PTPRN2: variants seen among roughly 807,000 people sequenced by gnomAD.
PTPRN2 encodes protein tyrosine phosphatase receptor type N2.
A neutral mutation model predicts 118.8 loss-of-function variants in PTPRN2; 74 were observed. The observed-to-expected ratio is 0.62, with a 90% CI of 0.52 to 0.76. PTPRN2 has a LOEUF of 0.76. Ranked by LOEUF, PTPRN2 falls within the 30% of genes least tolerant of loss-of-function variation. The pLI, the probability that PTPRN2 is intolerant of heterozygous loss-of-function variation, is 0.00. For missense variants in PTPRN2, 1,481 were observed against 1,394.4 expected, an observed-to-expected ratio of 1.06 and a Z score of -0.99; for synonymous variants, 641 against 608.0, an observed-to-expected ratio of 1.05 and a Z score of -0.80.
chr7:157,623,556 T>G (rs570325061), intron 14 of PTPRN2, among the ~76,000 whole-genome samples: 1 of 152,352 alleles, frequency 6.6e-6, no homozygotes, highest in East Asian at 1.9e-4. Flanking sequence ...ATTATCTTAA[T>G]TCGTATAAAC....
At chr7:158,006,550 T>C (rs1268727787) in intron 11 of PTPRN2, among the ~76,000 whole-genome samples, 2 of 152,222 alleles carry the variant, frequency 1.3e-5, no homozygotes, top group East Asian at 1.9e-4. Context: ...CCGCCCGGGA[T>C]GCAGACACAC....
At chr7:158,071,403 G>GTA (rs1190670539) in intron 11 of PTPRN2, among the ~76,000 whole-genome samples, 5 of 108,384 alleles carry the variant, frequency 4.6e-5, no homozygotes, top group Admixed American at 1.8e-4. Context: ...GGTGCTCGTG[G>GTA]TGGAGTTGCT....
At chr7:157,772,274 C>CAGACACACAA (rs1430562547) in intron 12 of PTPRN2, among the ~76,000 whole-genome samples, 3 of 133,052 alleles carry the variant, frequency 2.3e-5, no homozygotes, top group Admixed American at 7.3e-5. Flanking sequence ...CCCATACAGA[C>CAGACACACAA]ATACACAGAC....
chr7:158,486,465 T>G, intron 2 of PTPRN2, among the ~76,000 whole-genome samples: 1 of 152,248 alleles, frequency 6.6e-6, no homozygotes, highest in East Asian at 1.9e-4. Flanking sequence ...AAACCTGTTT[T>G]CCTCATATTT....
rs1810947127 is a variant in PTPRN2 at position 157,869,899 on chromosome 7, G to C, written c.1788+28774C>G. The stretch of plus-strand genomic sequence containing the variant: ...AGAAAGTCAACATGCAAAATGCCTT[G>C]AGCATCCCAACATCTACTGCCATGA... On this transcript the variant is annotated intron_variant, in intron 12 of 22. Transcript: ENST00000389418. This position sits in a 1 kb window ranked among gnomAD's most constrained non-coding sequence, Gnocchi z 4.2. Among the ~76,000 whole-genome samples, 1 of 152,116 alleles carries C rather than the reference G, an allele frequency of 6.6e-6. No homozygotes were observed. The highest frequency in any genetic ancestry group is 1.5e-5 in the Non-Finnish European group (1 of 68,018).
intron 2 of PTPRN2, among the ~76,000 whole-genome samples, chr7:158,387,575 T>TGAAGCA (rs61116708): frequency 1.5e-3 from 223 of 150,646 alleles, no homozygotes; most frequent in Middle Eastern, 3.4e-3. Context: ...CCCTGTCAGC[T>TGAAGCA]CAGCTTGGCC....
rs971956618 is a variant in PTPRN2, at chr7:157,590,603, C to A, written c.2496+4635G>T. On this transcript the variant is annotated intron_variant, in intron 17 of 22. Coordinates refer to ENST00000389418, the MANE Select transcript of PTPRN2 (RefSeq NM_002847.5). This position sits in a 1 kb window ranked among gnomAD's most constrained non-coding sequence, Gnocchi z 4.0. ...CGTGGATTTTCGTGCACGTTCTGGGCTCTGCTCAGGGACGCAGCACGGACA... is the reference window on the plus strand; with the variant it reads ...CGTGGATTTTCGTGCACGTTCTGGGATCTGCTCAGGGACGCAGCACGGACA... 2.0e-5 allele frequency among the ~76,000 whole-genome samples: 3 copies of A among 152,228 alleles called. No individual in the cohort carries two copies. The highest frequency in any genetic ancestry group is 4.4e-5 in the Non-Finnish European group (3 of 68,044).
chr7:158,270,960 C>CT (rs1471418188), intron 3 of PTPRN2, among the ~76,000 whole-genome samples: 2 of 41,654 alleles, frequency 4.8e-5, no homozygotes, highest in Non-Finnish European at 1.1e-4. Context: ...CCTGGACCAC[C>CT]CCTCCACCTG....
In PTPRN2 at chr7:158,087,706, G is replaced by A. The variant is rs13237012; in HGVS notation, c.1644-6329C>T. ...ACACAAACCTTCTTCCCCTGATGAA[G>A]GAGGGAGTCTTCACACAAACCTTCT... On this transcript the variant is annotated intron_variant, in intron 10 of 22. Transcript: ENST00000389418. Among the ~76,000 whole-genome samples, 455 of 49,630 alleles carry A rather than the reference G, an allele frequency of 9.2e-3. 3 individuals are homozygous for A. Among genetic ancestry groups the A allele is most frequent in the African/African-American group, 0.012 (196 of 16,656 alleles). 32.6% of individuals were successfully genotyped at this position (49,630 alleles called of 152,430 possible).
At chr7:158,183,523 G>A (rs1307698904) in intron 5 of PTPRN2, among the ~76,000 whole-genome samples, 1 of 152,230 alleles carries the variant, frequency 6.6e-6, no homozygotes, top group Non-Finnish European at 1.5e-5. Flanking sequence ...CACTGACTGA[G>A]TTGGTTGGCA....
chr7:157,676,036 C>T lies in PTPRN2; in HGVS notation c.2001+6689G>A, dbSNP rs540537145. ...TCCTCTTGGGGTCACTCAGCCACAC[C>T]GAGCCATGGACCGTCCCTTGGAGCG... On this transcript the variant is annotated intron_variant, in intron 13 of 22. Transcript: ENST00000389418. The surrounding 1 kb of genome is among the most constrained non-coding windows in gnomAD (Gnocchi z 5.6). 2.0e-5 allele frequency among the ~76,000 whole-genome samples: 3 copies of T among 152,122 alleles called. No homozygotes were observed. Among genetic ancestry groups the T allele is most frequent in the Non-Finnish European group, 1.5e-5 (1 of 68,020 alleles).
chr7:157,819,985 A>T (rs1806708623), intron 12 of PTPRN2, among the ~76,000 whole-genome samples: 1 of 151,164 alleles, frequency 6.6e-6, no homozygotes, highest in Admixed American at 6.6e-5. Context: ...CACGCACAAC[A>T]CACCCACACA....
intron 3 of PTPRN2, among the ~76,000 whole-genome samples, chr7:158,236,418 C>G (rs1022705685): frequency 6.6e-6 from 1 of 152,176 alleles, no homozygotes; most frequent in Non-Finnish European, 1.5e-5. Context: ...AGAAGCCACA[C>G]CAGACAAACG....
intron 11 of PTPRN2, among the ~76,000 whole-genome samples, chr7:157,912,569 CTAAAGATATCTATA>C (rs565742963): frequency 1.1e-3 from 168 of 152,242 alleles, no homozygotes; most frequent in African/African-American, 1.9e-3. Flanking sequence ...AGCTCAAGAT[CTAAAGATATCTATA>C]TAAAGATATC....
intron 3 of PTPRN2, among the ~76,000 whole-genome samples, chr7:158,272,726 C>T (rs972590882): frequency 6.6e-5 from 10 of 152,110 alleles, no homozygotes; most frequent in Admixed American, 5.9e-4. Flanking sequence ...TGGAGACAGT[C>T]GCATCTGCCA....
At chr7:158,020,700 A>G (rs574799766) in intron 11 of PTPRN2, among the ~76,000 whole-genome samples, 4 of 152,326 alleles carry the variant, frequency 2.6e-5, no homozygotes, top group South Asian at 4.1e-4. Flanking sequence ...CCAACACCCA[A>G]TGATTATGGT....
chr7:157,563,161 C>T (rs111804674), intron 21 of PTPRN2, among the ~76,000 whole-genome samples: 4 of 117,116 alleles, frequency 3.4e-5, no homozygotes, highest in South Asian at 3.1e-4. Flanking sequence ...ACCACGTGCT[C>T]CCACGTCACC....
At chr7:157,766,167 T>C (rs1011808379) in intron 12 of PTPRN2, among the ~76,000 whole-genome samples, 20 of 133,042 alleles carry the variant, frequency 1.5e-4, no homozygotes, top group African/African-American at 6.0e-4. Context: ...CCATCCACCA[T>C]CCCCCATCTG....
At chr7:157,741,623 C>T (rs907307171) in intron 12 of PTPRN2, among the ~76,000 whole-genome samples, 2 of 152,192 alleles carry the variant, frequency 1.3e-5, no homozygotes, top group South Asian at 2.1e-4. Context: ...GACCCATGCA[C>T]GATTCAGTGG....
Sources: gnomAD v4.1 joint callset for allele counts (sites outside exome capture counted in the v4.1 genomes callset) on GRCh38, gnomAD v4.1.1 for gene constraint, Gnocchi (gnomAD v3.1) non-coding constraint, MANE v1.5 for transcripts, NCBI Gene and HGNC (gene_info 2026-07-23, HGNC 2026-07-21) for gene names.